GNS: variants seen among roughly 807,000 people sequenced by gnomAD.
GNS encodes the protein glucosamine (N-acetyl)-6-sulfatase, also known as N-acetylglucosamine-6-sulfatase.
In GNS, 40 loss-of-function variants were observed where a neutral mutation model predicts 69.7. The observed-to-expected ratio is 0.57, with a 90% CI of 0.45 to 0.75. GNS has a LOEUF of 0.75. GNS is among the 30% of genes least tolerant of loss of function. The probability of loss-of-function intolerance (pLI) is 0.00; values close to 1 mark genes in which losing one functional copy is unlikely to be tolerated. For missense variants in GNS, 565 were observed against 685.5 expected (o/e 0.82, Z 1.96); for synonymous variants, 243 against 251.6 (o/e 0.97, Z 0.32).
chr12:64,727,208 T>C (rs2136239689), intron 10 of GNS, among the ~76,000 whole-genome samples: 1 of 149,296 alleles, frequency 6.7e-6, no homozygotes, highest in African/African-American at 2.5e-5. Flanking sequence ...CAAGGGAGGT[T>C]CTCTTGAGCC....
At position 64,745,700 on chromosome 12, in the gene GNS, G is replaced by C; in HGVS notation, c.484C>G (p.Leu162Val). 1.2e-6 allele frequency: 2 copies of C among 1,608,530 alleles called. No individual in the cohort carries two copies. The highest frequency in any genetic ancestry group is 1.7e-6 in the Non-Finnish European group (2 of 1,174,902). ...NEYGAPDAGGLEHVPLGWSYW... is the reference protein window; with the variant it reads ...NEYGAPDAGGVEHVPLGWSYW... ...CTCCAACCCAGAGGAACGTGTTCTA[G>C]TCCACCTGCATCTGGGGCTCCGTAC... The change falls in exon 4 of 14, where the codon CTA becomes GTA. Residue 162 changes from leucine (L) to valine (V), a missense_variant. Leu to Val is a conservative substitution (Grantham distance 32, BLOSUM62 1). This residue lies in a region of GNS where 384 missense variants were observed against 511.0 expected (regional missense o/e 0.75). Coordinates refer to ENST00000258145, the MANE Select transcript of GNS (RefSeq NM_002076.4).
At chr12:64,722,745 A>G in intron 11 of GNS, 1 of 443,546 alleles carries the variant, frequency 2.3e-6, no homozygotes, top group Non-Finnish European at 4.2e-6. Context: ...AAAAACAGGG[A>G]AGAGGAATTG....
At chr12:64,757,900 CAT>C (rs1371949783) in intron 1 of GNS, among the ~76,000 whole-genome samples, 2 of 152,194 alleles carry the variant, frequency 1.3e-5, no homozygotes, top group Non-Finnish European at 2.9e-5. Flanking sequence ...TGGAGTATTT[CAT>C]AGTCTCAGCA....
At chr12:64,747,372 G>A (rs1436917984) in intron 3 of GNS, among the ~76,000 whole-genome samples, 1 of 152,180 alleles carries the variant, frequency 6.6e-6, no homozygotes, top group Non-Finnish European at 1.5e-5. Context: ...TACCATGACA[G>A]CCACATGACA....
rs771059884 is a variant in GNS, at chr12:64,720,130, A to G, written c.1472T>C (p.Ile491Thr). The change falls in exon 13 of 14, where the codon ATT (isoleucine) becomes ACT (threonine). Residue 491 changes from isoleucine (I) to threonine (T), a missense_variant. Ile to Thr is a moderately conservative substitution (Grantham distance 89). Coordinates refer to ENST00000258145, the MANE Select transcript of GNS (RefSeq NM_002076.4). Reference protein sequence around the residue: ...LTADPDQITNIAKTIDPELLG... With the variant: ...LTADPDQITNTAKTIDPELLG... Reference sequence around the variant, plus strand: ...AAGCTCTGGGTCTATGGTTTTAGCAATGTTAGTGATCTGGTCTGGGTCTGC... The same window carrying G: ...AAGCTCTGGGTCTATGGTTTTAGCAGTGTTAGTGATCTGGTCTGGGTCTGC... The G allele has an allele frequency of 1.9e-6, 3 of 1,605,818 alleles. No individual in the cohort carries two copies. The highest frequency in any genetic ancestry group is 1.7e-5 in the Admixed American group (1 of 60,018).
At chr12:64,754,536 G>GTGAGGTAAGA (rs1391345263) in intron 1 of GNS, among the ~76,000 whole-genome samples, 9 of 152,176 alleles carry the variant, frequency 5.9e-5, no homozygotes, top group Admixed American at 2.0e-4. Flanking sequence ...AAAAGGGAGA[G>GTGAGGTAAGA]TGAGGTAAGA....
rs369482033 is a variant in GNS at position 64,716,730 on chromosome 12, G to T, written c.*11C>A. On this transcript the variant is annotated 3_prime_UTR_variant, in exon 14 of 14. Coordinates refer to ENST00000258145, the MANE Select transcript of GNS (RefSeq NM_002076.4). ...GTGCAGGGATCCATCTGCAGAGGCT[G>T]TGTGAGGTCGCTACAGAAGATGTTT... 1.2e-5 allele frequency: 19 copies of T among 1,556,772 alleles called. No homozygotes were observed. The African/African-American group carries it at 2.2e-4, about 18-fold the overall frequency.
intron 1 of GNS, chr12:64,756,840 T>C (rs1412586723): frequency 2.8e-6 from 2 of 713,018 alleles, no homozygotes; most frequent in African/African-American, 3.6e-5. Context: ...GGTACCTCTC[T>C]CCAGTAGAAA....
intron 8 of GNS, 134 bp downstream of exon 8, chr12:64,739,247 G>T (rs572259712): frequency 1.3e-6 from 1 of 767,930 alleles, no homozygotes; most frequent in Non-Finnish European, 2.4e-6. Flanking sequence ...AACTGGAGGG[G>T]TCCTGAGGGC....
chr12:64,725,281 C>T (rs1869159812), intron 10 of GNS, among the ~76,000 whole-genome samples: 1 of 152,162 alleles, frequency 6.6e-6, no homozygotes, highest in African/African-American at 2.4e-5. Context: ...ACTCAGGTAG[C>T]AGGGAAGCAG....
chr12:64,745,990 A>G (rs1869887724), intron 3 of GNS: 1 of 516,830 alleles, frequency 1.9e-6, no homozygotes, highest in African/African-American at 1.9e-5. Context: ...TTTAAAATAT[A>G]AAAGTTAATC....
Position 64,727,139 on chromosome 12 carries a change from C to T in GNS, c.1200+1817G>A, listed in dbSNP as rs562173907. Among the ~76,000 whole-genome samples, 6 of 151,848 alleles carry T rather than the reference C, an allele frequency of 4.0e-5. No individual in the cohort carries two copies. The East Asian group carries it at 1.2e-3, about 29-fold the overall frequency. On this transcript the variant is annotated intron_variant, in intron 10 of 13. Coordinates refer to ENST00000258145, the MANE Select transcript of GNS (RefSeq NM_002076.4). ...AAGTATTGGCTCCCACCCGTAATCTCAGCACTTTGGGAGGCTGAGGGGGGA... is the reference window on the plus strand; with the variant it reads ...AAGTATTGGCTCCCACCCGTAATCTTAGCACTTTGGGAGGCTGAGGGGGGA...
intron 5 of GNS, among the ~76,000 whole-genome samples, chr12:64,743,532 A>G (rs1297875475): frequency 6.6e-6 from 1 of 152,252 alleles, no homozygotes; most frequent in Non-Finnish European, 1.5e-5. Context: ...ATAAGAAGGC[A>G]ATTAAGATCT....
intron 10 of GNS, among the ~76,000 whole-genome samples, chr12:64,728,022 C>T (rs534566153): frequency 1.4e-4 from 21 of 152,196 alleles, no homozygotes; most frequent in Non-Finnish European, 2.4e-4. Flanking sequence ...CTCCCAGGTT[C>T]GAGTGATTCT....
intron 9 of GNS, among the ~76,000 whole-genome samples, chr12:64,730,906 A>G (rs1283470156): frequency 6.6e-6 from 1 of 152,220 alleles, no homozygotes; most frequent in Non-Finnish European, 1.5e-5. Context: ...AGGTGAAGCC[A>G]GTTCCTCAGA....
intron 10 of GNS, among the ~76,000 whole-genome samples, chr12:64,727,119 T>G (rs79475223): frequency 6.6e-6 from 1 of 151,642 alleles, no homozygotes. Context: ...ATAGCAAGTA[T>G]TGGCTCCCAC....
At chr12:64,743,053 C>T in intron 6 of GNS, 88 bp downstream of exon 6, 2 of 991,952 alleles carry the variant, frequency 2.0e-6, no homozygotes, top group Non-Finnish European at 3.3e-6. Context: ...AAGAAAAACC[C>T]ACTACATGGC....
At chr12:64,734,151 C>T (rs1030383179) in intron 9 of GNS, among the ~76,000 whole-genome samples, 1 of 152,242 alleles carries the variant, frequency 6.6e-6, no homozygotes, top group African/African-American at 2.4e-5. Flanking sequence ...TCATGCTTCT[C>T]AAATTACACC....
At position 64,745,726 on chromosome 12, in the gene GNS, T is replaced by C. The variant is rs753267674; in HGVS notation, c.460-2A>G. ...TCCACCTGCATCTGGGGCTCCGTAC[T>C]GAAAAGCAAAACAAGTAGGGACAAT... On this transcript the variant is annotated splice_acceptor_variant, in intron 3 of 13. Coordinates refer to ENST00000258145, the MANE Select transcript of GNS (RefSeq NM_002076.4). LOFTEE classifies it high-confidence loss of function. The C allele has an allele frequency of 1.3e-6, 2 of 1,595,428 alleles. No homozygotes were observed. The highest frequency in any genetic ancestry group is 3.3e-5 in the Admixed American group (2 of 59,988).
Sources: gnomAD v4.1 joint callset for allele counts (sites outside exome capture counted in the v4.1 genomes callset) on GRCh38, gnomAD v4.1.1 for gene constraint, gnomAD v4.1.1 regional missense constraint, MANE v1.5 for transcripts, NCBI Gene and HGNC (gene_info 2026-07-23, HGNC 2026-07-21) for gene names.